Variants in QSOX2 observed in about 807,000 individuals in gnomAD.
QSOX2 encodes the protein quiescin sulfhydryl oxidase 2.
Under a neutral mutation model 61.7 loss-of-function variants are expected in QSOX2, and 46 were observed. The ratio of observed to expected loss-of-function variants is 0.75; its 90% CI spans 0.59 to 0.95. QSOX2 has a LOEUF of 0.95. Ranked by LOEUF, QSOX2 falls within the 40% of genes least tolerant of loss-of-function variation. The pLI, the probability that QSOX2 is intolerant of heterozygous loss-of-function variation, is 0.00. For missense variants in QSOX2, 879 were observed against 918.9 expected, an observed-to-expected ratio of 0.96 and a Z score of 0.56; for synonymous variants, 383 against 388.4, an observed-to-expected ratio of 0.99 and a Z score of 0.16.
At chr9:136,225,934 G>GGCAGGCAAGCAAGTGTGCGAC (rs1830276185) in intron 2 of QSOX2, among the ~76,000 whole-genome samples, 1 of 152,268 alleles carries the variant, frequency 6.6e-6, no homozygotes, top group Non-Finnish European at 1.5e-5. Context: ...CACACGCAGA[G>GGCAGGCAAGCAAGTGTGCGAC]GCAGGCAAGC....
At chr9:136,240,049 C>A (rs901766936) in intron 1 of QSOX2, among the ~76,000 whole-genome samples, 1 of 152,212 alleles carries the variant, frequency 6.6e-6, no homozygotes, top group Non-Finnish European at 1.5e-5. Context: ...ATGCAAATGG[C>A]CTGCTTTCAT....
Position 136,209,880 on chromosome 9 carries a change from G to C in QSOX2, c.1550-605C>G. 1 of 985,358 alleles carries C rather than the reference G, an allele frequency of 1.0e-6. No homozygotes were observed. The allele number at this position is 985,358 out of a possible 1,614,324, so 61.0% of individuals were successfully genotyped here. A position where few individuals can be genotyped will look rare whatever the true frequency, so the allele number is the denominator to read the frequency against. On this transcript the variant is annotated intron_variant, in intron 11 of 11. Transcript: ENST00000358701. This position sits in a 1 kb window ranked among gnomAD's most constrained non-coding sequence, Gnocchi z 5.6. ...AAAACTCGTTTCTGAAGTGACATGT[G>C]CTCACTTCCAGGCCCAACAGGCATC...
Position 136,235,294 on chromosome 9 carries a change from G to A in QSOX2, c.329-8420C>T, listed in dbSNP as rs554306478. Among the ~76,000 whole-genome samples the A allele has an allele frequency of 4.6e-5, 7 of 152,342 alleles. No homozygotes were observed. The East Asian group carries it at 9.6e-4, about 21-fold the overall frequency. ...ACCAACATGCCCACTCAAAGGCCAC[G>A]TCCCCACGACGGCCACACCTGCAGG... On this transcript the variant is annotated intron_variant, in intron 1 of 11. Transcript: ENST00000358701.
At chr9:136,211,216 G>T (rs1343804752) in intron 11 of QSOX2, 48 bp downstream of exon 11, 3 of 1,588,782 alleles carry the variant, frequency 1.9e-6, no homozygotes, top group Non-Finnish European at 2.6e-6. Flanking sequence ...CCAGGACCAG[G>T]GCCTCCCTCC....
chr9:136,223,834 G>C lies in QSOX2; in HGVS notation c.604C>G (p.Leu202Val), dbSNP rs543601595. ...TAATGGCTGCCACGGTTGTCAAGAA[G>C]GGAAAGAACATCACTGGGCCTTTCA... is the stretch of plus-strand genomic sequence containing the variant. Reference protein sequence around the residue: ...DPIQPSDVLSLLDNRGSHYVA... With the variant: ...DPIQPSDVLSVLDNRGSHYVA... The change falls in exon 5 of 12, where the codon CTT (leucine) becomes GTT (valine). Residue 202 changes from leucine to valine, a missense_variant. Leu to Val is a conservative substitution (Grantham distance 32). Transcript: ENST00000358701. The surrounding 1 kb of genome is among the most constrained non-coding windows in gnomAD (Gnocchi z 4.4). 1 of 1,614,072 alleles carries C rather than the reference G, an allele frequency of 6.2e-7. No homozygotes were observed. The highest frequency in any genetic ancestry group is 1.3e-5 in the African/African-American group (1 of 75,032).
chr9:136,214,789 T>C (rs1831889183), intron 10 of QSOX2, among the ~76,000 whole-genome samples: 2 of 152,352 alleles, frequency 1.3e-5, no homozygotes, highest in Middle Eastern at 3.4e-3. Context: ...TGATTTGTTA[T>C]ACAACAGCTG....
chr9:136,245,762 G>A lies in QSOX2; in HGVS notation c.42C>T (p.Ile14=), dbSNP rs1281037042. 7 of 1,154,292 alleles carry A rather than the reference G, an allele frequency of 6.1e-6. No homozygotes were observed. In the African/African-American group the frequency reaches 9.8e-5, roughly 16 times the overall value. The allele number at this position is 1,154,292 out of a possible 1,614,324, so 71.5% of individuals were successfully genotyped here. ...AGAAVARSPG[I]GAGPALRARR... is the part of the protein sequence containing the mutation. ...GGGCTCTCAGCGCAGGTCCCGCTCC[G>A]ATTCCCGGGCTGCGCGCCACCGCCG... The change falls in exon 1 of 12, where the codon ATC becomes ATT. Residue 14 remains isoleucine (I), a synonymous_variant. Coordinates refer to ENST00000358701, the MANE Select transcript of QSOX2 (RefSeq NM_181701.4).
chr9:136,233,551 G>A (rs1359441140), intron 1 of QSOX2, among the ~76,000 whole-genome samples: 2 of 152,236 alleles, frequency 1.3e-5, no homozygotes, highest in African/African-American at 4.8e-5. Context: ...AGGAAGAGCC[G>A]TGAAGGCTGT....
rs1340693216 is a variant in QSOX2 at position 136,223,278 on chromosome 9, C to A, written c.675+485G>T. Among the ~76,000 whole-genome samples the A allele has an allele frequency of 6.6e-6, 1 of 152,218 alleles. No individual in the cohort carries two copies. Among genetic ancestry groups the A allele is most frequent in the East Asian group, 1.9e-4 (1 of 5,198 alleles). On this transcript the variant is annotated intron_variant, in intron 5 of 11. Transcript: ENST00000358701. The surrounding 1 kb of genome is among the most constrained non-coding windows in gnomAD (Gnocchi z 4.4). ...CGTGAGCTGCCCCTGCACCTGGTCC[C>A]TGGACCTTATTTAGACTTGGCCAGA...
intron 2 of QSOX2, 62 bp downstream of exon 2, chr9:136,226,712 G>T: frequency 7.5e-7 from 1 of 1,333,272 alleles, no homozygotes; most frequent in Non-Finnish European, 1.1e-6. Flanking sequence ...GCCGCGTGAT[G>T]CTCACCTGGA....
rs1244847883 is a variant in QSOX2, at chr9:136,209,842, C to T, written c.1550-567G>A. Reference sequence around the variant, plus strand: ...CTGGCCCTTTCCGGACTACAAATCCCTTCAAGATCTCCAAAACTCGTTTCT... The same window carrying T: ...CTGGCCCTTTCCGGACTACAAATCCTTTCAAGATCTCCAAAACTCGTTTCT... On this transcript the variant is annotated intron_variant, in intron 11 of 11. Coordinates refer to ENST00000358701, the MANE Select transcript of QSOX2 (RefSeq NM_181701.4). The surrounding 1 kb of genome is among the most constrained non-coding windows in gnomAD (Gnocchi z 5.6). 1.0e-5 allele frequency: 10 copies of T among 985,264 alleles called. No homozygotes were observed. The highest frequency in any genetic ancestry group is 1.2e-5 in the Non-Finnish European group (10 of 829,918). The allele number at this position is 985,264 out of a possible 1,614,324, so 61.0% of individuals were successfully genotyped here.
At chr9:136,217,262 GAGA>G (rs1013975123) in intron 8 of QSOX2, among the ~76,000 whole-genome samples, 1 of 152,256 alleles carries the variant, frequency 6.6e-6, no homozygotes, top group Non-Finnish European at 1.5e-5. Flanking sequence ...GCGTCTGGCT[GAGA>G]AGATCCCAGG....
rs1396761145 is a variant in QSOX2, at chr9:136,223,424, G to C, written c.675+339C>G. Among the ~76,000 whole-genome samples, 1 of 152,162 alleles carries C rather than the reference G, an allele frequency of 6.6e-6. No individual in the cohort carries two copies. The highest frequency in any genetic ancestry group is 1.5e-5 in the Non-Finnish European group (1 of 68,046). The stretch of plus-strand genomic sequence containing the variant: ...GAATACGGCAACGAAAAAAATCTTA[G>C]TAATAATGCATACAAAATACAGAAT... On this transcript the variant is annotated intron_variant, in intron 5 of 11. Coordinates refer to ENST00000358701, the MANE Select transcript of QSOX2 (RefSeq NM_181701.4). The surrounding 1 kb of genome is among the most constrained non-coding windows in gnomAD (Gnocchi z 4.4).
At chr9:136,217,628 CACAAGTGTAAAAGCTCCAAGCCTA>C (rs1387410228) in intron 8 of QSOX2, among the ~76,000 whole-genome samples, 1 of 152,202 alleles carries the variant, frequency 6.6e-6, no homozygotes, top group East Asian at 1.9e-4. Context: ...TTGCCCAGAG[CACAAGTGTAAAAGCTCCAAGCCTA>C]ACTAGACTAA....
chr9:136,228,717 G>A (rs1253000302), intron 1 of QSOX2, among the ~76,000 whole-genome samples: 1 of 152,250 alleles, frequency 6.6e-6, no homozygotes, highest in Non-Finnish European at 1.5e-5. Flanking sequence ...AGCCAGCCAC[G>A]TGGGGTGCTG....
In QSOX2 at chr9:136,221,299, G is replaced by T. The variant is rs10115360; in HGVS notation, c.821+497C>A. On this transcript the variant is annotated intron_variant, in intron 6 of 11. Transcript: ENST00000358701. This position sits in a 1 kb window ranked among gnomAD's most constrained non-coding sequence, Gnocchi z 4.5. ...ACGGGCACCCCACGCAGAGGCAAAG[G>T]GCTTGCCAAGGTTCTGCAGTTCTTA... Among the ~76,000 whole-genome samples, 1 of 152,212 alleles carries T rather than the reference G, an allele frequency of 6.6e-6. No individual in the cohort carries two copies. The highest frequency in any genetic ancestry group is 2.4e-5 in the African/African-American group (1 of 41,448).
chr9:136,238,663 C>T lies in QSOX2; in HGVS notation c.328+6813G>A, dbSNP rs149902546. ...CTCTCTCACACATCCCACTGTGCTC[C>T]GCTGGTTTCTGGTCTTCAGTTCTCC... On this transcript the variant is annotated intron_variant, in intron 1 of 11. Transcript: ENST00000358701. 4.2e-3 allele frequency among the ~76,000 whole-genome samples: 633 copies of T among 152,338 alleles called. 3 individuals are homozygous for T. The highest frequency in any genetic ancestry group is 0.014 in the African/African-American group (591 of 41,568).
At chr9:136,243,016 A>G (rs1253649148) in intron 1 of QSOX2, among the ~76,000 whole-genome samples, 2 of 152,234 alleles carry the variant, frequency 1.3e-5, no homozygotes, top group African/African-American at 4.8e-5. Flanking sequence ...GCCTGGTTAC[A>G]TCACCTCCCT....
Position 136,223,730 on chromosome 9 carries a change from G to A in QSOX2, c.675+33C>T, listed in dbSNP as rs757995608. 17 of 1,572,010 alleles carry A rather than the reference G, an allele frequency of 1.1e-5. No individual in the cohort carries two copies. Among genetic ancestry groups the A allele is most frequent in the East Asian group, 2.2e-5 (1 of 44,668 alleles). ...CCACCGCCAACCCCAATCACACCAC[G>A]TGTGACACCTGGAGCCCACGCAGAG... On this transcript the variant is annotated intron_variant, in intron 5 of 11. Coordinates refer to ENST00000358701, the MANE Select transcript of QSOX2 (RefSeq NM_181701.4). This position sits in a 1 kb window ranked among gnomAD's most constrained non-coding sequence, Gnocchi z 4.4.
Sources: gnomAD v4.1 joint callset for allele counts (sites outside exome capture counted in the v4.1 genomes callset) on GRCh38, gnomAD v4.1.1 for gene constraint, Gnocchi (gnomAD v3.1) non-coding constraint, MANE v1.5 for transcripts, NCBI Gene and HGNC (gene_info 2026-07-23, HGNC 2026-07-21) for gene names.